VPS13D: variants seen among roughly 807,000 people sequenced by gnomAD.
VPS13D encodes the protein intermembrane lipid transfer protein VPS13D.
Under a neutral mutation model 461.9 loss-of-function variants are expected in VPS13D, and 187 were observed. The ratio of observed to expected loss-of-function variants is 0.40; its 90% confidence interval spans 0.36 to 0.46. The LOEUF (loss-of-function observed/expected upper bound fraction) is 0.46, where lower values mean the gene tolerates loss of function less well. VPS13D is among the 20% of genes least tolerant of loss of function. VPS13D has a pLI of 0.60. For missense variants in VPS13D, 4,711 were observed against 5,364.9 expected (o/e 0.88, Z 3.81); for synonymous variants, 1,951 against 1,986.3 (o/e 0.98, Z 0.47).
intron 21 of VPS13D, among the ~76,000 whole-genome samples, chr1:12,287,760 A>C (rs1281599084): frequency 6.6e-6 from 1 of 152,186 alleles, no homozygotes; most frequent in African/African-American, 2.4e-5. Flanking sequence ...TATGGCTTTT[A>C]GGTGAAGTCT....
At position 12,321,924 on chromosome 1, in the gene VPS13D, T is replaced by C. The variant is rs768255933; in HGVS notation, c.7664T>C (p.Met2555Thr). 3.7e-6 allele frequency: 6 copies of C among 1,613,746 alleles called. No individual in the cohort carries two copies. The East Asian group carries it at 1.3e-4, about 36-fold the overall frequency. ...TCTTATCAAAATAGTTCAGGATTGA[T>C]GGATGCATTCAATAGTGAAGATTTC... ...NSSYQNSSGL[M>T]DAFNSEDFPP... is the part of the protein sequence containing the mutation. Residue 2555 changes from methionine (M) to threonine (T), a missense_variant, in exon 33 of 70, where the codon ATG becomes ACG. Transcript: ENST00000620676.
chr1:12,443,970 T>C (rs1645161294), intron 65 of VPS13D, among the ~76,000 whole-genome samples: 1 of 151,680 alleles, frequency 6.6e-6, no homozygotes, highest in African/African-American at 2.4e-5. Flanking sequence ...CTCAGCCCCC[T>C]GAGTAGCTGG....
chr1:12,336,476 C>G (rs986407317), intron 39 of VPS13D: 2 of 152,208 alleles, frequency 1.3e-5, no homozygotes, highest in African/African-American at 4.8e-5. Flanking sequence ...AGTTGTTCCA[C>G]AAGCCATTGT....
Position 12,497,503 on chromosome 1 carries a change from T to C in VPS13D, c.12666T>C (p.Thr4222=), listed in dbSNP as rs1645976076. 2.5e-6 allele frequency: 4 copies of C among 1,613,396 alleles called. No individual in the cohort carries two copies. The highest frequency in any genetic ancestry group is 3.4e-6 in the Non-Finnish European group (4 of 1,179,752). ...TTATGTCCATTTACCCATCTAGGACTCAAGCACAGAGGGTTCGGAAACCGC... is the reference window on the plus strand; with the variant it reads ...TTATGTCCATTTACCCATCTAGGACCCAAGCACAGAGGGTTCGGAAACCGC... ...RDTATLSGPR[T]QAQRVRKPRC... The change falls in exon 68 of 70, where the codon ACT becomes ACC. Residue 4222 remains threonine, a synonymous_variant. Coordinates refer to ENST00000620676, the MANE Select transcript of VPS13D (RefSeq NM_015378.4).
At chr1:12,345,248 C>T in intron 42 of VPS13D, 126 bp from the exon 43 acceptor site, 1 of 1,127,476 alleles carries the variant, frequency 8.9e-7, no homozygotes, top group Non-Finnish European at 1.2e-6. Context: ...ATTAGGTAAT[C>T]TCCAAAAGGT....
At chr1:12,412,801 G>A (rs1032387101) in intron 63 of VPS13D, among the ~76,000 whole-genome samples, 2 of 152,166 alleles carry the variant, frequency 1.3e-5, no homozygotes, top group Admixed American at 1.3e-4. Flanking sequence ...TGATAAGGCA[G>A]ATTTCCTTAA....
chr1:12,430,610 A>G (rs911061924), intron 65 of VPS13D, among the ~76,000 whole-genome samples: 1 of 152,206 alleles, frequency 6.6e-6, no homozygotes, highest in African/African-American at 2.4e-5. Context: ...TGTTGGAACC[A>G]GGGGATGGTG....
chr1:12,309,203 C>G lies in VPS13D; in HGVS notation c.6650+562C>G, dbSNP rs1569867302. Among the ~76,000 whole-genome samples the G allele has an allele frequency of 4.8e-5, 7 of 144,390 alleles. No homozygotes were observed. The South Asian group carries it at 1.5e-3, about 32-fold the overall frequency. The allele number at this position is 144,390 out of a possible 152,430, so 94.7% of individuals were successfully genotyped here. On this transcript the variant is annotated intron_variant, in intron 27 of 69. Transcript: ENST00000620676. The stretch of plus-strand genomic sequence containing the variant: ...ATTCTAATTTAATGTTTGATTTGAT[C>G]TTTTTTTTCTTTTTTTTTTTTTTTT...
At chr1:12,428,314 A>C (rs1386831442) in intron 65 of VPS13D, among the ~76,000 whole-genome samples, 1 of 152,056 alleles carries the variant, frequency 6.6e-6, no homozygotes, top group East Asian at 1.9e-4. Context: ...GGCATATCAC[A>C]CTCACCTCCA....
chr1:12,368,576 T>C lies in VPS13D; in HGVS notation c.10557T>C (p.Ile3519=). The change falls in exon 53 of 70, where the codon ATT becomes ATC. Residue 3519 remains isoleucine, a synonymous_variant. Transcript: ENST00000620676. The part of the protein sequence containing the change: ...DTDQLPPPFR[I]DNFSKVPVVF... Reference sequence around the variant, plus strand: ...ATCAGTTACCTCCTCCTTTCCGAATTGACAACTTTTCTAAGGTATCAAGTG... The same window carrying C: ...ATCAGTTACCTCCTCCTTTCCGAATCGACAACTTTTCTAAGGTATCAAGTG... The C allele has an allele frequency of 6.2e-7, 1 of 1,612,986 alleles. No individual in the cohort carries two copies. Among genetic ancestry groups the C allele is most frequent in the Non-Finnish European group, 8.5e-7 (1 of 1,179,490 alleles).
At chr1:12,349,491 T>TAA in intron 46 of VPS13D, 117 bp downstream of exon 46, 1 of 1,030,288 alleles carries the variant, frequency 9.7e-7, no homozygotes. Context: ...ATTTAAACTC[T>TAA]AAAGTTCTTA....
intron 31 of VPS13D, 115 bp from the exon 32 acceptor site, chr1:12,319,382 A>T: frequency 6.9e-7 from 1 of 1,443,530 alleles, no homozygotes. Flanking sequence ...TTGGAGAAAA[A>T]TCTTACTGGT....
intron 63 of VPS13D, among the ~76,000 whole-genome samples, chr1:12,404,422 A>G (rs1157462554): frequency 2.0e-5 from 3 of 152,144 alleles, no homozygotes; most frequent in Non-Finnish European, 4.4e-5. Context: ...CTCTTTTTGA[A>G]TGATTGTCAC....
At chr1:12,407,749 G>A (rs1333254554) in intron 63 of VPS13D, among the ~76,000 whole-genome samples, 1 of 152,146 alleles carries the variant, frequency 6.6e-6, no homozygotes, top group African/African-American at 2.4e-5. Context: ...TTCAGACCAA[G>A]CACCTTAGTC....
chr1:12,232,075 A>G (rs978954977), intron 1 of VPS13D, among the ~76,000 whole-genome samples: 12 of 152,352 alleles, frequency 7.9e-5, no homozygotes, highest in East Asian at 7.7e-4. Context: ...TTCTTATAAC[A>G]TCTTCTTTAA....
At chr1:12,380,061 G>A (rs757441694) in intron 57 of VPS13D, among the ~76,000 whole-genome samples, 3 of 152,102 alleles carry the variant, frequency 2.0e-5, no homozygotes, top group East Asian at 1.9e-4. Flanking sequence ...GAGCCACCGC[G>A]CCCAGCCCCG....
chr1:12,457,257 T>C (rs1263579108), intron 66 of VPS13D, among the ~76,000 whole-genome samples: 1 of 152,222 alleles, frequency 6.6e-6, no homozygotes, highest in Non-Finnish European at 1.5e-5. Flanking sequence ...CAGGTGTGCT[T>C]CCAAGTCCTT....
At chr1:12,481,584 C>G (rs1296486604) in intron 67 of VPS13D, among the ~76,000 whole-genome samples, 1 of 152,186 alleles carries the variant, frequency 6.6e-6, no homozygotes, top group Non-Finnish European at 1.5e-5. Context: ...CAGAAATGCA[C>G]CTGAGGTGAC....
chr1:12,349,208 G>A lies in VPS13D; in HGVS notation c.9265G>A (p.Val3089Met). 6.2e-7 allele frequency: 1 copy of A among 1,614,150 alleles called. No homozygotes were observed. Among genetic ancestry groups the A allele is most frequent in the Non-Finnish European group, 8.5e-7 (1 of 1,180,038 alleles). Reference protein sequence around the residue: ...PAIMPGDSFAVPLHLTSWRLQ... With the variant: ...PAIMPGDSFAMPLHLTSWRLQ... ...TATCATGCCAGGGGATTCGTTTGCT[G>A]TGCCTTTACACCTCACTTCTTGGCG... Residue 3089 changes from valine to methionine, a missense_variant, in exon 46 of 70, where the codon GTG becomes ATG. This residue lies in a region of VPS13D where 4,411 missense variants were observed against 4,937.8 expected (regional missense o/e 0.89). Transcript: ENST00000620676.
Sources: allele counts gnomAD v4.1 joint callset (sites outside exome capture counted in the v4.1 genomes callset), GRCh38; gene constraint gnomAD v4.1.1; regional missense constraint gnomAD v4.1.1; transcripts MANE v1.5; gene names NCBI Gene and HGNC (gene_info 2026-07-23, HGNC 2026-07-21).